The following CUL5 variants were observed in gnomAD, a reference collection of about 807,000 sequenced individuals.
CUL5 encodes the protein cullin-5.
CUL5 carries 26 observed loss-of-function variants against 108.8 expected under a neutral mutation model. The ratio of observed to expected loss-of-function variants is 0.24; its 90% CI spans 0.18 to 0.33. The LOEUF (loss-of-function observed/expected upper bound fraction) is 0.33, where lower values mean the gene tolerates loss of function less well. Ranked by LOEUF, CUL5 falls within the 10% of genes least tolerant of loss-of-function variation. The pLI, the probability that CUL5 is intolerant of heterozygous loss-of-function variation, is 1.00. For synonymous variants in CUL5, 334 were observed against 298.0 expected, an observed-to-expected ratio of 1.12 and a Z score of -1.25; for missense variants, 524 against 909.2, an observed-to-expected ratio of 0.58 and a Z score of 5.45.
chr11:108,031,189 G>A (rs896412329), intron 1 of CUL5, among the ~76,000 whole-genome samples: 1 of 151,942 alleles, frequency 6.6e-6, no homozygotes, highest in South Asian at 2.1e-4. Context: ...GCAACATGGC[G>A]AAACCCCGTC....
chr11:108,068,138 G>A (rs940793924), intron 7 of CUL5, among the ~76,000 whole-genome samples: 2 of 151,988 alleles, frequency 1.3e-5, no homozygotes, highest in African/African-American at 4.8e-5. Context: ...GGCTGGTCTT[G>A]AACTCCTGAC....
At chr11:108,097,544 T>C in intron 16 of CUL5, 92 bp from the exon 17 acceptor site, 2 of 689,782 alleles carry the variant, frequency 2.9e-6, no homozygotes. Context: ...GTTTGTAATC[T>C]TTTTCTTGCC....
At position 108,009,379 on chromosome 11, in the gene CUL5, C is replaced by A; in HGVS notation, c.24+7C>A. The A allele has an allele frequency of 6.2e-7, 1 of 1,613,496 alleles. No individual in the cohort carries two copies. Among genetic ancestry groups the A allele is most frequent in the Non-Finnish European group, 8.5e-7 (1 of 1,179,710 alleles). On this transcript the variant is annotated splice_region_variant and intron_variant, in intron 1 of 18. Transcript: ENST00000393094. ...GACGTCTAATCTGTTAAAGGTAAGA[C>A]CCTCACTCCAGCTTGGGTTTTACTG...
intron 11 of CUL5, among the ~76,000 whole-genome samples, chr11:108,087,836 G>C (rs933527973): frequency 6.6e-6 from 1 of 152,078 alleles, no homozygotes; most frequent in Non-Finnish European, 1.5e-5. Flanking sequence ...ATGGTGGCGG[G>C]CACCTGTAAT....
At chr11:108,023,318 G>A (rs1862372267) in intron 1 of CUL5, among the ~76,000 whole-genome samples, 1 of 152,150 alleles carries the variant, frequency 6.6e-6, no homozygotes, top group African/African-American at 2.4e-5. Flanking sequence ...TCCCTGAATG[G>A]TGTCTTTTAA....
intron 17 of CUL5, 56 bp downstream of exon 17, chr11:108,097,810 G>A: frequency 1.1e-6 from 1 of 940,616 alleles, no homozygotes; most frequent in Non-Finnish European, 1.7e-6. Flanking sequence ...TTAGCACTTT[G>A]TTTTTTGCAA....
chr11:108,041,621 G>A (rs1345753458), intron 2 of CUL5, among the ~76,000 whole-genome samples: 1 of 150,734 alleles, frequency 6.6e-6, no homozygotes, highest in African/African-American at 2.4e-5. Context: ...ACAAAGTTTT[G>A]CTCTTGTTGC....
chr11:108,054,318 C>T (rs141329217), intron 5 of CUL5, among the ~76,000 whole-genome samples: 38 of 152,296 alleles, frequency 2.5e-4, no homozygotes, highest in African/African-American at 8.4e-4. Context: ...TACTAATCTC[C>T]GTTTATGCAA....
chr11:108,058,803 T>C (rs979369227), intron 7 of CUL5, among the ~76,000 whole-genome samples: 1 of 152,166 alleles, frequency 6.6e-6, no homozygotes, highest in East Asian at 1.9e-4. Flanking sequence ...ACTTAGACCC[T>C]ACTTAGATCT....
intron 10 of CUL5, chr11:108,073,876 G>A (rs1591316590): frequency 6.4e-6 from 1 of 155,872 alleles, no homozygotes; most frequent in East Asian, 1.9e-4. Context: ...CAGCAGAGTT[G>A]ATTCCTCCAT....
At chr11:108,084,782 C>T (rs1864181693) in intron 11 of CUL5, 1 of 152,172 alleles carries the variant, frequency 6.6e-6, no homozygotes, top group Non-Finnish European at 1.5e-5. Context: ...ACTTCATACC[C>T]AGTAGGATGA....
rs546645024 is a variant in CUL5 at position 108,031,197 on chromosome 11, G to A, written c.25-2605G>A. ...AGCCTGGGCAACATGGCGAAACCCC[G>A]TCTCTACTGAAAATACAAAAATTAG... is the stretch of plus-strand genomic sequence containing the variant. On this transcript the variant is annotated intron_variant, in intron 1 of 18. Coordinates refer to ENST00000393094, the MANE Select transcript of CUL5 (RefSeq NM_003478.6). Among the ~76,000 whole-genome samples, 8 of 151,970 alleles carry A rather than the reference G, an allele frequency of 5.3e-5. No homozygotes were observed. In the South Asian group the frequency reaches 8.3e-4, roughly 16 times the overall value.
intron 1 of CUL5, among the ~76,000 whole-genome samples, chr11:108,014,076 T>A (rs1862121634): frequency 6.6e-6 from 1 of 152,170 alleles, no homozygotes; most frequent in African/African-American, 2.4e-5. Flanking sequence ...GGCAAAAGTT[T>A]CAGATGTGTT....
rs1221683138 is a variant in CUL5, at chr11:108,104,887, G to T, written c.*503G>T. The T allele has an allele frequency of 6.6e-6, 1 of 152,612 alleles. No individual in the cohort carries two copies. Among genetic ancestry groups the T allele is most frequent in the Non-Finnish European group, 1.5e-5 (1 of 68,056 alleles). 9.5% of individuals were successfully genotyped at this position (152,612 alleles called of 1,614,324 possible). On this transcript the variant is annotated 3_prime_UTR_variant, in exon 19 of 19. Coordinates refer to ENST00000393094, the MANE Select transcript of CUL5 (RefSeq NM_003478.6). ...AGTGAGCTGGTCAATGCAACATTGG[G>T]AAACGGCAGATGTAGGTGAGAAGTT...
intron 1 of CUL5, among the ~76,000 whole-genome samples, chr11:108,023,758 T>C (rs1015929464): frequency 6.6e-6 from 1 of 152,222 alleles, no homozygotes; most frequent in Non-Finnish European, 1.5e-5. Flanking sequence ...TTATTCTTGC[T>C]TTTTCCTTAA....
chr11:108,096,466 A>G (rs1285291904), intron 16 of CUL5, among the ~76,000 whole-genome samples: 1 of 151,974 alleles, frequency 6.6e-6, no homozygotes, highest in Non-Finnish European at 1.5e-5. Flanking sequence ...AGCCTGGGCA[A>G]CATAGTGAGA....
At chr11:108,087,785 C>CA (rs1864257151) in intron 11 of CUL5, among the ~76,000 whole-genome samples, 1 of 152,038 alleles carries the variant, frequency 6.6e-6, no homozygotes, top group Non-Finnish European at 1.5e-5. Flanking sequence ...GCCAACATGG[C>CA]AAAACCCCAT....
chr11:108,081,474 C>T (rs1241813210), intron 11 of CUL5, among the ~76,000 whole-genome samples: 4 of 152,060 alleles, frequency 2.6e-5, no homozygotes. Context: ...GGTTGGCTGC[C>T]AGGCGTGGTG....
intron 13 of CUL5, among the ~76,000 whole-genome samples, chr11:108,093,982 C>G (rs1864424790): frequency 6.6e-6 from 1 of 152,214 alleles, no homozygotes; most frequent in Non-Finnish European, 1.5e-5. Context: ...GGATTACACA[C>G]CATGCCAACT....
Sources: allele counts gnomAD v4.1 joint callset (sites outside exome capture counted in the v4.1 genomes callset), GRCh38; gene constraint gnomAD v4.1.1; transcripts MANE v1.5; gene names NCBI Gene and HGNC (gene_info 2026-07-23, HGNC 2026-07-21).